The following RYR2 variants were observed in gnomAD, a reference collection of about 807,000 sequenced individuals.
The protein encoded by RYR2 is cardiac muscle ryanodine receptor-calcium release channel.
In RYR2, 227 loss-of-function variants were observed where a neutral mutation model predicts 601.1. The ratio of observed to expected loss-of-function variants is 0.38; its 90% CI spans 0.34 to 0.42. The LOEUF is 0.42. Among genes scored for constraint, RYR2 ranks in the 10% least tolerant of loss-of-function variants. The pLI is 1.00. For missense variants in RYR2, 4,646 were observed against 6,156.5 expected (o/e 0.75, Z 8.21); for synonymous variants, 2,223 against 2,175.1 (o/e 1.02, Z -0.61).
chr1:237,387,510 AC>A, intron 9 of RYR2, 130 bp downstream of exon 9: 1 of 747,232 alleles, frequency 1.3e-6, no homozygotes, highest in South Asian at 1.9e-5. Flanking sequence ...TAATGCAGAT[AC>A]CTGACATTTG....
chr1:237,246,022 T>C (rs1231972778), intron 1 of RYR2, among the ~76,000 whole-genome samples: 4 of 152,200 alleles, frequency 2.6e-5, no homozygotes, highest in Non-Finnish European at 5.9e-5. Flanking sequence ...CCTTGTGATC[T>C]GCCCGCCTTG....
chr1:237,823,668 A>G (rs1055494013), intron 101 of RYR2, among the ~76,000 whole-genome samples: 1 of 152,206 alleles, frequency 6.6e-6, no homozygotes, highest in African/African-American at 2.4e-5. Context: ...AAGACAAGAA[A>G]TAACTAAGAT....
intron 1 of RYR2, among the ~76,000 whole-genome samples, chr1:237,088,808 A>T (rs920720984): frequency 6.6e-5 from 10 of 152,238 alleles, no homozygotes; most frequent in Non-Finnish European, 1.3e-4. Flanking sequence ...TTAAGTTGTC[A>T]TGTGAAGGAT....
intron 37 of RYR2, among the ~76,000 whole-genome samples, chr1:237,615,694 T>C (rs529108610): frequency 3.9e-5 from 6 of 152,324 alleles, no homozygotes; most frequent in Admixed American, 2.0e-4. Flanking sequence ...GAAACACAAG[T>C]GAACCCTGCC....
At chr1:237,142,254 A>G (rs148987139) in intron 1 of RYR2, among the ~76,000 whole-genome samples, 40 of 152,314 alleles carry the variant, frequency 2.6e-4, no homozygotes, top group African/African-American at 9.4e-4. Context: ...TCATGTTCTT[A>G]TGCTGAAGAG....
At chr1:237,179,586 G>C (rs949865134) in intron 1 of RYR2, among the ~76,000 whole-genome samples, 1 of 152,070 alleles carries the variant, frequency 6.6e-6, no homozygotes, top group African/African-American at 2.4e-5. Context: ...TAATGCCCCA[G>C]CATCTCTGAG....
intron 2 of RYR2, among the ~76,000 whole-genome samples, chr1:237,314,860 C>T (rs1207969187): frequency 6.6e-6 from 1 of 152,084 alleles, no homozygotes; most frequent in African/African-American, 2.4e-5. Context: ...ATTCTTGAAC[C>T]ACTATTGCCA....
At chr1:237,374,673 C>G in intron 6 of RYR2, 44 bp from the exon 7 acceptor site, 1 of 1,507,458 alleles carries the variant, frequency 6.6e-7, no homozygotes, top group African/African-American at 1.4e-5. Flanking sequence ...AAACAACAGA[C>G]GAACAAAACC....
chr1:237,082,027 G>A (rs554414804), intron 1 of RYR2, among the ~76,000 whole-genome samples: 1 of 152,260 alleles, frequency 6.6e-6, no homozygotes, highest in South Asian at 2.1e-4. Context: ...AGAGATGAAG[G>A]TTTCTGTCCT....
chr1:237,411,607 G>C (rs1215523462), intron 10 of RYR2, among the ~76,000 whole-genome samples: 1 of 152,094 alleles, frequency 6.6e-6, no homozygotes. Flanking sequence ...TGTTGTGCAA[G>C]GACTTTTCCA....
In RYR2 at chr1:237,209,249, G is replaced by C. The variant is rs577311117; in HGVS notation, c.49-61248G>C. ...CTAATGATATATAAAGTTTAAAAAA[G>C]ACATGCATTATATGAACAAGATGAT... On this transcript the variant is annotated intron_variant, in intron 1 of 104. Transcript: ENST00000366574. Among the ~76,000 whole-genome samples, 5 of 151,118 alleles carry C rather than the reference G, an allele frequency of 3.3e-5. No homozygotes were observed. The South Asian group carries it at 1.0e-3, about 31-fold the overall frequency.
intron 3 of RYR2, among the ~76,000 whole-genome samples, chr1:237,349,203 TAAC>T (rs1218689591): frequency 6.6e-6 from 1 of 151,968 alleles, no homozygotes. Flanking sequence ...ATCTTAAAAG[TAAC>T]TGGAGGAGGG....
chr1:237,667,788 T>G, intron 57 of RYR2, 95 bp from the exon 58 acceptor site: 11 of 859,984 alleles, frequency 1.3e-5, no homozygotes, highest in South Asian at 3.3e-5. Flanking sequence ...TAATACTGTA[T>G]GAGTTATTCC....
chr1:237,750,505 A>G (rs1237258393), intron 80 of RYR2, among the ~76,000 whole-genome samples: 1 of 150,950 alleles, frequency 6.6e-6, no homozygotes, highest in Non-Finnish European at 1.5e-5. Context: ...TGAACTTTAT[A>G]TAATTTATAT....
intron 68 of RYR2, among the ~76,000 whole-genome samples, chr1:237,707,797 G>A (rs1356985259): frequency 2.6e-5 from 4 of 152,112 alleles, no homozygotes; most frequent in African/African-American, 9.7e-5. Context: ...ATGAGATGGA[G>A]TTTCACTCTT....
rs535216016 is a variant in RYR2, at chr1:237,213,564, A to G, written c.49-56933A>G. Among the ~76,000 whole-genome samples the G allele has an allele frequency of 5.3e-5, 8 of 152,220 alleles. 1 individual carries two copies. In the Middle Eastern group the frequency reaches 0.01, roughly 194 times the overall value. On this transcript the variant is annotated intron_variant, in intron 1 of 104. Coordinates refer to ENST00000366574, the MANE Select transcript of RYR2 (RefSeq NM_001035.3). Reference sequence around the variant, plus strand: ...CTTTTGTGAGTTTCCTACTTAATACATTATTTGCCTGCTTTTCTAATGGGA... The same window carrying G: ...CTTTTGTGAGTTTCCTACTTAATACGTTATTTGCCTGCTTTTCTAATGGGA...
chr1:237,393,777 A>G (rs950050790), intron 10 of RYR2, among the ~76,000 whole-genome samples: 1 of 152,138 alleles, frequency 6.6e-6, no homozygotes, highest in Non-Finnish European at 1.5e-5. Flanking sequence ...TTTTACCCCA[A>G]ACTTAAACTC....
At chr1:237,426,104 G>A (rs1018505685) in intron 12 of RYR2, among the ~76,000 whole-genome samples, 10 of 151,870 alleles carry the variant, frequency 6.6e-5, no homozygotes, top group Admixed American at 3.9e-4. Context: ...AAAATAAGGT[G>A]TGGGGAGACC....
chr1:237,778,913 T>C (rs1263643046), intron 88 of RYR2, 143 bp downstream of exon 88: 1 of 511,458 alleles, frequency 2.0e-6, no homozygotes, highest in Non-Finnish European at 3.5e-6. Context: ...CATTTTATCA[T>C]GCCTCTTTTG....
Sources: gnomAD v4.1 joint callset for allele counts (sites outside exome capture counted in the v4.1 genomes callset) on GRCh38, gnomAD v4.1.1 for gene constraint, MANE v1.5 for transcripts, NCBI Gene and HGNC (gene_info 2026-07-23, HGNC 2026-07-21) for gene names.